Variants in PDE3B observed in about 807,000 individuals in gnomAD.
PDE3B encodes the protein phosphodiesterase 3B, also known as cGMP-inhibited 3',5'-cyclic phosphodiesterase 3B.
In PDE3B, 66 loss-of-function variants were observed where a neutral mutation model predicts 116.8. The ratio of observed to expected loss-of-function variants is 0.56; its 90% CI spans 0.46 to 0.69. The LOEUF (loss-of-function observed/expected upper bound fraction) is 0.69. Ranked by LOEUF, PDE3B falls within the 30% of genes least tolerant of loss-of-function variation. The pLI is 0.00. For missense variants in PDE3B, 1,384 were observed against 1,368.1 expected (o/e 1.01, Z -0.18); for synonymous variants, 595 against 533.6 (o/e 1.12, Z -1.59).
rs1213128776 is a variant in PDE3B at position 14,644,452 on chromosome 11, C to T, written c.377C>T (p.Ala126Val). The change falls in exon 1 of 16, where the codon GCC becomes GTC. Residue 126 changes from alanine (A) to valine (V), a missense_variant. Transcript: ENST00000282096. ...SHSLSPLFSI[A>V]CAFFFLTCFL... ...AGCTTGAGCCCCCTCTTCAGCATCG[C>T]CTGTGCCTTCTTCTTCCTCACCTGC... The T allele has an allele frequency of 3.1e-6, 5 of 1,613,224 alleles. No individual in the cohort carries two copies. The highest frequency in any genetic ancestry group is 1.1e-5 in the South Asian group (1 of 91,016).
intron 12 of PDE3B, among the ~76,000 whole-genome samples, chr11:14,845,259 C>A (rs1308858090): frequency 6.6e-6 from 1 of 152,124 alleles, no homozygotes; most frequent in African/African-American, 2.4e-5. Context: ...CAAACTCCAA[C>A]AGACCTGCAG....
chr11:14,651,243 T>C (rs549173325), intron 1 of PDE3B, among the ~76,000 whole-genome samples: 1 of 152,298 alleles, frequency 6.6e-6, no homozygotes, highest in African/African-American at 2.4e-5. Flanking sequence ...CGCATGGCAT[T>C]CTCCCTGTAT....
At chr11:14,824,681 G>C (rs898921145) in intron 7 of PDE3B, among the ~76,000 whole-genome samples, 1 of 152,186 alleles carries the variant, frequency 6.6e-6, no homozygotes, top group Non-Finnish European at 1.5e-5. Context: ...TCCCTGACAG[G>C]AGAAAGCAAA....
At chr11:14,659,340 A>AGTT (rs1358457671) in intron 1 of PDE3B, among the ~76,000 whole-genome samples, 2 of 152,236 alleles carry the variant, frequency 1.3e-5, no homozygotes, top group Non-Finnish European at 2.9e-5. Flanking sequence ...AATGGTTCTC[A>AGTT]GTTAACAAGT....
At chr11:14,760,258 A>G (rs1857320867) in intron 1 of PDE3B, among the ~76,000 whole-genome samples, 1 of 152,182 alleles carries the variant, frequency 6.6e-6, no homozygotes, top group Non-Finnish European at 1.5e-5. Flanking sequence ...GATGTTAGCT[A>G]TTATTAGTAG....
intron 1 of PDE3B, among the ~76,000 whole-genome samples, chr11:14,733,806 A>T (rs1399157769): frequency 6.6e-6 from 1 of 152,064 alleles, no homozygotes; most frequent in African/African-American, 2.4e-5. Context: ...AAAGAATGAG[A>T]TGTAATTTTT....
chr11:14,804,124 ATATT>A (rs1858849593), intron 5 of PDE3B, 74 bp downstream of exon 5: 1 of 764,334 alleles, frequency 1.3e-6, no homozygotes, highest in Non-Finnish European at 2.3e-6. Flanking sequence ...TTTTCATCAC[ATATT>A]TATAGCTAAT....
rs113077101 is a variant in PDE3B at position 14,771,798 on chromosome 11, T to G, written c.979-139T>G. 301 of 390,166 alleles carry G rather than the reference T, an allele frequency of 7.7e-4. 1 individual carries two copies. The highest frequency in any genetic ancestry group is 5.4e-3 in the African/African-American group (260 of 47,896). The allele number at this position is 390,166 out of a possible 1,614,324, so 24.2% of individuals were successfully genotyped here. On this transcript the variant is annotated intron_variant, in intron 1 of 15. Transcript: ENST00000282096. ...TTAATGAAATATTCTGTCGAGATAA[T>G]TTTTATTTTCACCATTCCAATATCT... is the stretch of plus-strand genomic sequence containing the variant.
At chr11:14,860,766 C>T (rs1847933292) in intron 13 of PDE3B, among the ~76,000 whole-genome samples, 1 of 152,110 alleles carries the variant, frequency 6.6e-6, no homozygotes, top group African/African-American at 2.4e-5. Context: ...GACTTGTGTT[C>T]AGTTCACTAT....
chr11:14,764,915 A>G (rs1857455155), intron 1 of PDE3B, among the ~76,000 whole-genome samples: 1 of 134,694 alleles, frequency 7.4e-6, no homozygotes, highest in Non-Finnish European at 1.6e-5. Flanking sequence ...GAATAGGGTT[A>G]TTTCTTTGTT....
Position 14,789,173 on chromosome 11 carries a change from C to G in PDE3B, c.1346C>G (p.Pro449Arg). The part of the protein sequence containing the change: ...RRSSGTSGLL[P>R]VEQSSRWDRN... ...AGCTCAGGAACTTCAGGATTGCTACCTGTTGAACAGTCTTCAAGGTGGGAT... is the reference window on the plus strand; with the variant it reads ...AGCTCAGGAACTTCAGGATTGCTACGTGTTGAACAGTCTTCAAGGTGGGAT... The change falls in exon 4 of 16, where the codon CCT (proline) becomes CGT (arginine). Residue 449 changes from proline to arginine, a missense_variant. Transcript: ENST00000282096. 1 of 1,610,648 alleles carries G rather than the reference C, an allele frequency of 6.2e-7. No homozygotes were observed. Among genetic ancestry groups the G allele is most frequent in the Non-Finnish European group, 8.5e-7 (1 of 1,177,476 alleles).
intron 1 of PDE3B, among the ~76,000 whole-genome samples, chr11:14,740,887 C>G (rs555016819): frequency 6.6e-6 from 1 of 152,272 alleles, no homozygotes; most frequent in African/African-American, 2.4e-5. Context: ...GCAGGTTGTT[C>G]AGTTTCCATG....
In PDE3B at chr11:14,819,175, A is replaced by C; in HGVS notation, c.1773A>C (p.Glu591Asp). 6.3e-7 allele frequency: 1 copy of C among 1,599,096 alleles called. No individual in the cohort carries two copies. Among genetic ancestry groups the C allele is most frequent in the South Asian group, 1.1e-5 (1 of 89,284 alleles). The change falls in exon 7 of 16, where the codon GAA becomes GAC. Residue 591 changes from glutamate (E) to aspartate (D), a missense_variant. Glu to Asp is a conservative substitution (Grantham distance 45, BLOSUM62 2). Coordinates refer to ENST00000282096, the MANE Select transcript of PDE3B (RefSeq NM_000922.4). ...TGCTGAAATATGTTTCAACATCTGA[A>C]TCAGATGGTACAGATTGCTGCAGTG... The part of the protein sequence containing the change: ...HQMLKYVSTS[E>D]SDGTDCCSGK...
chr11:14,712,489 T>G (rs974968459), intron 1 of PDE3B, among the ~76,000 whole-genome samples: 6 of 112,100 alleles, frequency 5.4e-5, no homozygotes, highest in Non-Finnish European at 1.2e-4. Context: ...TTTTTTTTTT[T>G]TTTGAGATGG....
chr11:14,807,522 G>T (rs555812136), intron 5 of PDE3B, among the ~76,000 whole-genome samples: 1 of 151,846 alleles, frequency 6.6e-6, no homozygotes, highest in South Asian at 2.1e-4. Flanking sequence ...CTTATAAGGA[G>T]GTAAAATGGC....
At chr11:14,648,082 T>A (rs1363265471) in intron 1 of PDE3B, among the ~76,000 whole-genome samples, 1 of 152,026 alleles carries the variant, frequency 6.6e-6, no homozygotes, top group African/African-American at 2.4e-5. Flanking sequence ...TTTAAAAAAA[T>A]CAGTCGTCTG....
chr11:14,891,859 C>G, the PDE3B span: 1 of 1,407,148 alleles, frequency 7.1e-7, no homozygotes, highest in Non-Finnish European at 9.4e-7. Flanking sequence ...CAAAGGGCAG[C>G]CGGCACACGG....
chr11:14,794,896 T>TA (rs1396798507), intron 4 of PDE3B, among the ~76,000 whole-genome samples: 1 of 152,192 alleles, frequency 6.6e-6, no homozygotes, highest in African/African-American at 2.4e-5. Flanking sequence ...GATGAGGAGA[T>TA]ACAAAGGACA....
intron 5 of PDE3B, among the ~76,000 whole-genome samples, chr11:14,812,769 GT>G (rs1859187354): frequency 6.6e-6 from 1 of 152,100 alleles, no homozygotes; most frequent in Non-Finnish European, 1.5e-5. Flanking sequence ...GTTATGAAAG[GT>G]TATATCCAAT....
Sources: gnomAD v4.1 joint callset for allele counts (sites outside exome capture counted in the v4.1 genomes callset) on GRCh38, gnomAD v4.1.1 for gene constraint, MANE v1.5 for transcripts, NCBI Gene and HGNC (gene_info 2026-07-23, HGNC 2026-07-21) for gene names.